ESRRG: variants seen among roughly 807,000 people sequenced by gnomAD.
ESRRG encodes estrogen related receptor gamma.
A neutral mutation model predicts 44.0 loss-of-function variants in ESRRG; 13 were observed. The ratio of observed to expected loss-of-function variants is 0.30; its 90% CI spans 0.19 to 0.47. The LOEUF (loss-of-function observed/expected upper bound fraction) is 0.47, where lower values mean the gene tolerates loss of function less well. Among genes scored for constraint, ESRRG ranks in the 20% least tolerant of loss-of-function variants. The probability of loss-of-function intolerance (pLI) is 1.00; values close to 1 mark genes in which losing one functional copy is unlikely to be tolerated. For synonymous variants in ESRRG, 215 were observed against 214.6 expected (o/e 1.00, Z -0.02); for missense variants, 395 against 580.6 (o/e 0.68, Z 3.29).
chr1:216,556,314 TA>T (rs1450567230), intron 5 of ESRRG, among the ~76,000 whole-genome samples: 1 of 152,160 alleles, frequency 6.6e-6, no homozygotes, highest in Non-Finnish European at 1.5e-5. Context: ...TTCAGGCTTC[TA>T]AAAGATTATA....
chr1:216,759,045 T>C (rs2092623041), intron 2 of ESRRG, among the ~76,000 whole-genome samples: 1 of 152,104 alleles, frequency 6.6e-6, no homozygotes. Context: ...TCTAACTGGC[T>C]TTGAAGCATA....
chr1:217,042,239 C>G (rs1375025450), intron 1 of ESRRG, among the ~76,000 whole-genome samples: 1 of 152,150 alleles, frequency 6.6e-6, no homozygotes, highest in Non-Finnish European at 1.5e-5. Context: ...ATAGAGAAAG[C>G]ATTTTATCCA....
chr1:216,923,971 A>T (rs1449325806), intron 2 of ESRRG, among the ~76,000 whole-genome samples: 1 of 152,212 alleles, frequency 6.6e-6, no homozygotes, highest in Non-Finnish European at 1.5e-5. Context: ...ACAATGATTT[A>T]TGTTTACCTA....
At chr1:216,867,868 C>T (rs2096193715) in intron 2 of ESRRG, among the ~76,000 whole-genome samples, 1 of 151,948 alleles carries the variant, frequency 6.6e-6, no homozygotes, top group African/African-American at 2.4e-5. Flanking sequence ...GGGTACAAAA[C>T]AATGCCCTGC....
intron 1 of ESRRG, among the ~76,000 whole-genome samples, chr1:217,023,256 G>C (rs557119177): frequency 6.6e-6 from 1 of 152,088 alleles, no homozygotes; most frequent in Admixed American, 6.5e-5. Context: ...AGCTGCAATC[G>C]TACATCAATA....
At chr1:216,523,324 G>A (rs184457900) in intron 5 of ESRRG, among the ~76,000 whole-genome samples, 1 of 152,190 alleles carries the variant, frequency 6.6e-6, no homozygotes, top group Admixed American at 6.5e-5. Flanking sequence ...TAAACCAGAT[G>A]ACAGTTGGGA....
intron 2 of ESRRG, among the ~76,000 whole-genome samples, chr1:216,773,722 C>CAGCT (rs1294853667): frequency 6.6e-6 from 1 of 152,054 alleles, no homozygotes; most frequent in Non-Finnish European, 1.5e-5. Flanking sequence ...TTTGAGAAAG[C>CAGCT]AGCTGCAGAT....
At chr1:216,931,692 C>T (rs1273102043) in intron 2 of ESRRG, among the ~76,000 whole-genome samples, 1 of 152,132 alleles carries the variant, frequency 6.6e-6, no homozygotes. Flanking sequence ...CTGTGCTCTG[C>T]AGTCATCTCT....
intron 1 of ESRRG, among the ~76,000 whole-genome samples, chr1:216,975,398 A>G (rs956530473): frequency 2.0e-5 from 3 of 152,232 alleles, no homozygotes; most frequent in Non-Finnish European, 4.4e-5. Context: ...CCAGCATCCA[A>G]AGAAGGAAAA....
intron 2 of ESRRG, among the ~76,000 whole-genome samples, chr1:216,768,004 T>C (rs928308962): frequency 6.6e-6 from 1 of 152,100 alleles, no homozygotes; most frequent in Non-Finnish European, 1.5e-5. Flanking sequence ...TGTTGGTATG[T>C]TTTATTATTG....
chr1:216,999,493 C>A (rs1158810770), intron 1 of ESRRG, among the ~76,000 whole-genome samples: 2 of 152,184 alleles, frequency 1.3e-5, no homozygotes, highest in South Asian at 4.2e-4. Context: ...TTAATCAGAC[C>A]AACTTTACAC....
At chr1:217,010,696 T>G (rs2078433906) in intron 1 of ESRRG, among the ~76,000 whole-genome samples, 1 of 152,104 alleles carries the variant, frequency 6.6e-6, no homozygotes, top group Non-Finnish European at 1.5e-5. Flanking sequence ...CCACACCAAA[T>G]TTGGCCCCGT....
At chr1:216,925,811 G>A (rs964530271) in intron 2 of ESRRG, among the ~76,000 whole-genome samples, 11 of 151,864 alleles carry the variant, frequency 7.2e-5, no homozygotes, top group East Asian at 1.9e-4. Context: ...ATTAGCAGGC[G>A]TGGTGGTGTA....
chr1:216,704,284 C>A (rs934821800), intron 1 of ESRRG, among the ~76,000 whole-genome samples: 1 of 152,050 alleles, frequency 6.6e-6, no homozygotes, highest in Non-Finnish European at 1.5e-5. Context: ...AAGGCCGAGG[C>A]GGGTGGATCA....
At chr1:216,966,599 C>T (rs554582494) in intron 1 of ESRRG, among the ~76,000 whole-genome samples, 1 of 152,252 alleles carries the variant, frequency 6.6e-6, no homozygotes, top group South Asian at 2.1e-4. Context: ...GGATGGCCTT[C>T]CTTCCATGCC....
intron 5 of ESRRG, among the ~76,000 whole-genome samples, chr1:216,554,180 C>A (rs12749792): frequency 4.0e-5 from 6 of 151,864 alleles, no homozygotes; most frequent in African/African-American, 7.2e-5. Flanking sequence ...TGAGGCTGAG[C>A]GCAGTAGCTC....
intron 2 of ESRRG, among the ~76,000 whole-genome samples, chr1:216,729,063 C>T (rs2088165589): frequency 6.6e-6 from 1 of 152,156 alleles, no homozygotes; most frequent in Non-Finnish European, 1.5e-5. Flanking sequence ...AGGGATGAGG[C>T]TTTGTACTGG....
At chr1:216,613,570 T>C (rs1319158121) in intron 3 of ESRRG, among the ~76,000 whole-genome samples, 48 of 152,216 alleles carry the variant, frequency 3.2e-4, no homozygotes, top group Admixed American at 3.0e-3. Context: ...ATAACTACTG[T>C]GATATAACAT....
intron 2 of ESRRG, among the ~76,000 whole-genome samples, chr1:216,806,610 C>T (rs183198488): frequency 3.9e-5 from 6 of 152,300 alleles, no homozygotes; most frequent in East Asian, 3.9e-4. Flanking sequence ...TCAGGCATAA[C>T]GTGCAGGCTG....
Sources: allele counts gnomAD v4.1 joint callset (sites outside exome capture counted in the v4.1 genomes callset), GRCh38; gene constraint gnomAD v4.1.1; transcripts MANE v1.5; gene names NCBI Gene and HGNC (gene_info 2026-07-23, HGNC 2026-07-21).